HEXA: variants seen among roughly 807,000 people sequenced by gnomAD.
HEXA encodes beta-hexosaminidase subunit alpha.
Under a neutral mutation model 73.3 loss-of-function variants are expected in HEXA, and 54 were observed. The ratio of observed to expected loss-of-function variants is 0.74; its 90% CI spans 0.59 to 0.92. The LOEUF (loss-of-function observed/expected upper bound fraction) is 0.92. Among genes scored for constraint, HEXA ranks in the 40% least tolerant of loss-of-function variants. HEXA has a pLI of 0.00. For missense variants in HEXA, 649 were observed against 653.0 expected (o/e 0.99, Z 0.07); for synonymous variants, 230 against 246.9 (o/e 0.93, Z 0.64).
In HEXA at chr15:72,351,213, A is replaced by G; in HGVS notation, c.592T>C (p.Leu198=). Residue 198 remains leucine, a synonymous_variant, in exon 6 of 14, where the codon TTG becomes CTG. Transcript: ENST00000268097. ...ACCAGATGCCAGTGGAACACGTTCA[A>G]TTTATTGTACGCCATGACATCCTGT... ...DTLDVMAYNK[L]NVFHWHLVDD... The G allele has an allele frequency of 6.2e-7, 1 of 1,611,290 alleles. No homozygotes were observed. Among genetic ancestry groups the G allele is most frequent in the South Asian group, 1.1e-5 (1 of 91,022 alleles).
rs1009936205 is a variant in HEXA, at chr15:72,355,724, AC to A, written c.347-101del. The A allele has an allele frequency of 8.2e-5, 67 of 818,692 alleles. No homozygotes were observed. In the Admixed American group the frequency reaches 1.2e-3, roughly 15 times the overall value. The allele number at this position is 818,692 out of a possible 1,614,324, so 50.7% of individuals were successfully genotyped here. On this transcript the variant is annotated intron_variant, in intron 2 of 13. Coordinates refer to ENST00000268097, the MANE Select transcript of HEXA (RefSeq NM_000520.6). ...TAAATCACTGGACTAAAAAAAAAAA[AC>A]AGTAAGACCATATATTTTAAAAAAT...
intron 5 of HEXA, among the ~76,000 whole-genome samples, chr15:72,352,219 G>A (rs1332157766): frequency 6.6e-6 from 1 of 151,864 alleles, no homozygotes. Flanking sequence ...TGGCCTCCCA[G>A]AGTGCTAGGA....
chr15:72,356,634 A>C lies in HEXA; in HGVS notation c.254-17T>G. 1 of 1,613,858 alleles carries C rather than the reference A, an allele frequency of 6.2e-7. No individual in the cohort carries two copies. The highest frequency in any genetic ancestry group is 2.2e-5 in the East Asian group (1 of 44,884). ...GCCGTTTCCCTAGGAAGACAGGGTA[A>C]GCTTGGTGCGGCCAACCTGCCATTA... On this transcript the variant is annotated splice_polypyrimidine_tract_variant and intron_variant, in intron 1 of 13. Transcript: ENST00000268097.
Position 72,341,867 on chromosome 15 carries a change from T to C in HEXA, c.*2210A>G, listed in dbSNP as rs1474096649. The C allele has an allele frequency of 1.3e-5, 2 of 152,138 alleles. No individual in the cohort carries two copies. Among genetic ancestry groups the C allele is most frequent in the African/African-American group, 4.8e-5 (2 of 41,414 alleles). The allele number at this position is 152,138 out of a possible 1,614,324, so 9.4% of individuals were successfully genotyped here. A position where few individuals can be genotyped will look rare whatever the true frequency, so the allele number is the denominator to read the frequency against. ...CAATGAAAGTCGTGACCAGGCCACG[T>C]TAGTTTAGTGGTAAAAATAATAACA... On this transcript the variant is annotated 3_prime_UTR_variant, in exon 14 of 14. Transcript: ENST00000268097.
intron 11 of HEXA, 40 bp downstream of exon 11, chr15:72,346,487 C>T (rs2088615585): frequency 6.2e-7 from 1 of 1,602,416 alleles, no homozygotes; most frequent in Non-Finnish European, 8.6e-7. Context: ...TGCCCCAACC[C>T]AGCCTCCTTT....
Position 72,347,772 on chromosome 15 carries a change from G to A in HEXA, c.1074-14C>T. 1 of 1,612,870 alleles carries A rather than the reference G, an allele frequency of 6.2e-7. No homozygotes were observed. The highest frequency in any genetic ancestry group is 8.5e-7 in the Non-Finnish European group (1 of 1,178,818). On this transcript the variant is annotated splice_polypyrimidine_tract_variant and intron_variant, in intron 9 of 13. Transcript: ENST00000268097. ...ATGTCCAGCAGCCTGGAGAGGAGAG[G>A]AGTGTCTAGTAAGTGTCTGCTTAGC... is the stretch of plus-strand genomic sequence containing the variant.
At chr15:72,365,625 T>C (rs1160674724) in intron 1 of HEXA, among the ~76,000 whole-genome samples, 1 of 152,214 alleles carries the variant, frequency 6.6e-6, no homozygotes, top group African/African-American at 2.4e-5. Context: ...AACACTTCAA[T>C]GGTCTTTTAT....
At chr15:72,345,374 CCT>C in intron 13 of HEXA, 70 bp downstream of exon 13, 1 of 1,599,900 alleles carries the variant, frequency 6.3e-7, no homozygotes, top group Non-Finnish European at 8.5e-7. Context: ...TTATTGTCTT[CCT>C]CTCTCTAAGG....
intron 12 of HEXA, 89 bp downstream of exon 12, chr15:72,346,146 G>C: frequency 1.1e-6 from 1 of 902,302 alleles, no homozygotes; most frequent in East Asian, 2.5e-5. Flanking sequence ...AAGGGTACTA[G>C]TCCAGAGGTG....
chr15:72,346,482 C>G, intron 11 of HEXA, 45 bp downstream of exon 11: 1 of 1,598,788 alleles, frequency 6.3e-7, no homozygotes, highest in Non-Finnish European at 8.6e-7. Context: ...TCCTGTGCCC[C>G]AACCCAGCCT....
At chr15:72,353,029 G>C (rs1487594898) in intron 5 of HEXA, 39 bp downstream of exon 5, 1 of 1,215,668 alleles carries the variant, frequency 8.2e-7, no homozygotes, top group East Asian at 2.3e-5. Flanking sequence ...CATCACCCTA[G>C]AACTCTTAAG....
At chr15:72,346,793 A>T (rs1182047339) in intron 10 of HEXA, 83 bp from the exon 11 acceptor site, 1 of 1,256,876 alleles carries the variant, frequency 8.0e-7, no homozygotes, top group African/African-American at 1.5e-5. Context: ...AACATGGGAC[A>T]ACAGGTATGT....
intron 3 of HEXA, chr15:72,354,063 A>G (rs764343789): frequency 9.7e-6 from 4 of 413,908 alleles, no homozygotes; most frequent in African/African-American, 2.0e-5. Context: ...GCCAAGACAT[A>G]TACTCATGAG....
chr15:72,356,496 T>G lies in HEXA; in HGVS notation c.346+29A>C, dbSNP rs779963725. On this transcript the variant is annotated intron_variant, in intron 2 of 13. Transcript: ENST00000268097. The stretch of plus-strand genomic sequence containing the variant: ...ACAGCTTCAGACAAGTGTTTGCTCT[T>G]CTAAGACAGGGAACAGGATGGTACT... 14 of 1,612,948 alleles carry G rather than the reference T, an allele frequency of 8.7e-6. No homozygotes were observed. The African/African-American group carries it at 1.9e-4, about 22-fold the overall frequency.
intron 1 of HEXA, chr15:72,357,036 T>A: frequency 3.3e-6 from 1 of 307,600 alleles, no homozygotes; most frequent in East Asian, 7.5e-5. Context: ...TATAGAAAAC[T>A]TATATGAAGC....
chr15:72,352,706 C>T (rs1386370980), intron 5 of HEXA, among the ~76,000 whole-genome samples: 1 of 151,756 alleles, frequency 6.6e-6, no homozygotes, highest in Non-Finnish European at 1.5e-5. Context: ...CTCTTTCACC[C>T]AGGCTGGAGT....
chr15:72,346,423 G>C, intron 11 of HEXA, 98 bp from the exon 12 acceptor site: 1 of 1,505,082 alleles, frequency 6.6e-7, no homozygotes, highest in Non-Finnish European at 9.3e-7. Flanking sequence ...CAGCTAAGTT[G>C]TTTCATTTAC....
At chr15:72,360,092 G>C (rs1359442156) in intron 1 of HEXA, 5 of 152,712 alleles carry the variant, frequency 3.3e-5, no homozygotes, top group Non-Finnish European at 7.3e-5. Flanking sequence ...ACGCAATCTA[G>C]CCAATACTCC....
chr15:72,375,994 G>A lies in HEXA; in HGVS notation c.-22C>T. 6.2e-7 allele frequency: 1 copy of A among 1,610,334 alleles called. No individual in the cohort carries two copies. The highest frequency in any genetic ancestry group is 8.5e-7 in the Non-Finnish European group (1 of 1,179,948). On this transcript the variant is annotated 5_prime_UTR_variant, in exon 1 of 14. Coordinates refer to ENST00000268097, the MANE Select transcript of HEXA (RefSeq NM_000520.6). Reference sequence around the variant, plus strand: ...TCATGGCCCGCTGGTCTCCCCTCTCGGAGGGGGCTGGCCACGTGAGACCCT... The same window carrying A: ...TCATGGCCCGCTGGTCTCCCCTCTCAGAGGGGGCTGGCCACGTGAGACCCT...
Sources: gnomAD v4.1 joint callset for allele counts (sites outside exome capture counted in the v4.1 genomes callset) on GRCh38, gnomAD v4.1.1 for gene constraint, MANE v1.5 for transcripts, NCBI Gene and HGNC (gene_info 2026-07-23, HGNC 2026-07-21) for gene names.